Variants in PRMT8 observed in about 807,000 individuals in gnomAD.
PRMT8 encodes the protein protein arginine methyltransferase 8.
PRMT8 carries 7 observed loss-of-function variants against 47.1 expected under a neutral mutation model. That is an observed-to-expected ratio of 0.15 (90% CI 0.08 to 0.28). The LOEUF is 0.28. Among genes scored for constraint, PRMT8 ranks in the 10% least tolerant of loss-of-function variants. The pLI is 1.00. For synonymous variants in PRMT8, 188 were observed against 186.5 expected (o/e 1.01, Z -0.07); for missense variants, 237 against 505.4 (o/e 0.47, Z 5.09).
At chr12:3,549,834 C>G (rs955971790) in intron 2 of PRMT8, 102 bp from the exon 3 acceptor site, 2 of 1,350,354 alleles carry the variant, frequency 1.5e-6, no homozygotes, top group African/African-American at 1.4e-5. Context: ...ATTATCGGGT[C>G]TCCTGAAGGG....
intron 1 of PRMT8, among the ~76,000 whole-genome samples, chr12:3,475,815 G>C (rs368620780): frequency 6.6e-6 from 1 of 152,210 alleles, no homozygotes; most frequent in Non-Finnish European, 1.5e-5. Context: ...AGGCGGCCTG[G>C]TGTCCCAGAA....
chr12:3,469,969 A>C (rs184361828), intron 1 of PRMT8, among the ~76,000 whole-genome samples: 1 of 152,208 alleles, frequency 6.6e-6, no homozygotes, highest in Non-Finnish European at 1.5e-5. Flanking sequence ...GAGGACTGAG[A>C]CGTGGTCCCT....
chr12:3,526,034 C>T (rs1162472287), intron 1 of PRMT8, among the ~76,000 whole-genome samples: 7 of 152,152 alleles, frequency 4.6e-5, no homozygotes, highest in Non-Finnish European at 1.0e-4. Flanking sequence ...ACCCCCATTC[C>T]CTCTTCCAGC....
In PRMT8 at chr12:3,548,898, T is replaced by A. The variant is rs577175512; in HGVS notation, c.262-1038T>A. Among the ~76,000 whole-genome samples the A allele has an allele frequency of 2.6e-4, 39 of 152,250 alleles. 1 individual carries two copies. The South Asian group carries it at 8.1e-3, about 32-fold the overall frequency. ...ATAAATAGCAAAAAACTGGAAAGAA[T>A]CCTAATATCCCACAAACAAGTGAAT... is the stretch of plus-strand genomic sequence containing the variant. On this transcript the variant is annotated intron_variant, in intron 2 of 9. Coordinates refer to ENST00000382622, the MANE Select transcript of PRMT8 (RefSeq NM_019854.5).
intron 1 of PRMT8, among the ~76,000 whole-genome samples, chr12:3,469,580 A>G (rs1370511007): frequency 2.6e-5 from 4 of 152,172 alleles, no homozygotes; most frequent in Non-Finnish European, 5.9e-5. Context: ...AGGGAGAGTA[A>G]GGAGTGACCG....
At chr12:3,399,469 T>G (rs1864296183) in intron 1 of PRMT8, among the ~76,000 whole-genome samples, 1 of 152,180 alleles carries the variant, frequency 6.6e-6, no homozygotes, top group South Asian at 2.1e-4. Flanking sequence ...TAACCAGTAT[T>G]CCTCTGCTGA....
chr12:3,578,441 C>T (rs529214345), intron 7 of PRMT8, among the ~76,000 whole-genome samples: 1 of 151,554 alleles, frequency 6.6e-6, no homozygotes, highest in Admixed American at 6.6e-5. Flanking sequence ...CCAGGCTGGT[C>T]TCAAACTCCT....
At chr12:3,562,621 T>C (rs777655563) in intron 4 of PRMT8, among the ~76,000 whole-genome samples, 21 of 152,240 alleles carry the variant, frequency 1.4e-4, no homozygotes, top group Non-Finnish European at 2.8e-4. Context: ...GCCAATTGCG[T>C]GCGCTCATCT....
chr12:3,437,399 T>C (rs942790278), intron 1 of PRMT8, among the ~76,000 whole-genome samples: 2 of 151,940 alleles, frequency 1.3e-5, no homozygotes, highest in African/African-American at 4.8e-5. Flanking sequence ...CAGGGGTACA[T>C]GTGCAGGTTT....
intron 1 of PRMT8, among the ~76,000 whole-genome samples, chr12:3,391,405 G>A (rs1207589863): frequency 6.6e-6 from 1 of 152,230 alleles, no homozygotes; most frequent in Non-Finnish European, 1.5e-5. Flanking sequence ...TCAGGGGGCA[G>A]CCATACAAAT....
intron 1 of PRMT8, among the ~76,000 whole-genome samples, chr12:3,510,359 T>C (rs1280723809): frequency 6.6e-6 from 1 of 152,160 alleles, no homozygotes; most frequent in Non-Finnish European, 1.5e-5. Context: ...GTAGGATGAC[T>C]GCAGTAAACA....
rs1865398387 is a variant in PRMT8 at position 3,491,574 on chromosome 12, G to A, written c.-52G>A. On this transcript the variant is annotated 5_prime_UTR_variant, in exon 1 of 10. Coordinates refer to ENST00000382622, the MANE Select transcript of PRMT8 (RefSeq NM_019854.5). ...CGCTCTCTCTTTTAAAGCGACACCA[G>A]CTCTCTCTCCTCCTCTACTATCTCG... The A allele has an allele frequency of 3.8e-6, 6 of 1,576,416 alleles. No homozygotes were observed. Among genetic ancestry groups the A allele is most frequent in the South Asian group, 3.4e-5 (3 of 86,984 alleles).
intron 1 of PRMT8, among the ~76,000 whole-genome samples, chr12:3,494,711 C>T (rs1367608704): frequency 6.6e-6 from 1 of 152,208 alleles, no homozygotes; most frequent in Non-Finnish European, 1.5e-5. Flanking sequence ...TACATTTTGA[C>T]CAAAGCCTCC....
rs1866802590 is a variant in PRMT8 at position 3,569,381 on chromosome 12, GGGTGCTTGTCTGGT to G, written c.625-94_625-81del. ...CACTGCATGAGAGATGGTGGCAAGG[GGGTGCTTGTCTGGT>G]GACTCTATGTGCAGTTCAAAATGTG... is the stretch of plus-strand genomic sequence containing the variant. On this transcript the variant is annotated intron_variant, in intron 5 of 9. Coordinates refer to ENST00000382622, the MANE Select transcript of PRMT8 (RefSeq NM_019854.5). This position sits in a 1 kb window ranked among gnomAD's most constrained non-coding sequence, Gnocchi z 8.2. 1 of 995,546 alleles carries G rather than the reference GGGTGCTTGTCTGGT, an allele frequency of 1.0e-6. No homozygotes were observed. Among genetic ancestry groups the G allele is most frequent in the Admixed American group, 1.7e-5 (1 of 57,790 alleles). The allele number at this position is 995,546 out of a possible 1,614,324, so 61.7% of individuals were successfully genotyped here.
At chr12:3,387,330 A>G (rs1055422448) in intron 1 of PRMT8, among the ~76,000 whole-genome samples, 1 of 152,252 alleles carries the variant, frequency 6.6e-6, no homozygotes, top group Non-Finnish European at 1.5e-5. Flanking sequence ...TGTCCCCATT[A>G]TAATTACAGC....
chr12:3,430,821 T>G (rs1864667518), intron 1 of PRMT8, among the ~76,000 whole-genome samples: 1 of 152,212 alleles, frequency 6.6e-6, no homozygotes, highest in African/African-American at 2.4e-5. Context: ...CCAGGCACTA[T>G]GATAGTTGCT....
rs1255779684 is a variant in PRMT8 at position 3,580,601 on chromosome 12, A to G, written c.829-2457A>G. 2.0e-5 allele frequency among the ~76,000 whole-genome samples: 3 copies of G among 152,202 alleles called. No individual in the cohort carries two copies. In the East Asian group the frequency reaches 5.8e-4, roughly 29 times the overall value. ...AGGTGCTGCTGTGCACTGAGGATAC[A>G]CAGGACAATGAGGTGTAACTTCTGC... On this transcript the variant is annotated intron_variant, in intron 7 of 9. Transcript: ENST00000382622. The surrounding 1 kb of genome is among the most constrained non-coding windows in gnomAD (Gnocchi z 4.6).
At chr12:3,584,086 G>T (rs1867122877) in intron 8 of PRMT8, among the ~76,000 whole-genome samples, 1 of 152,212 alleles carries the variant, frequency 6.6e-6, no homozygotes, top group Non-Finnish European at 1.5e-5. Context: ...AGGCTTGGGG[G>T]CTTAACCACA....
In PRMT8 at chr12:3,409,185, G is replaced by T. The variant is rs1208612157; in HGVS notation, c.48+27743G>T. On this transcript the variant is annotated intron_variant, in intron 1 of 9. Transcript: ENST00000452611. This position sits in a 1 kb window ranked among gnomAD's most constrained non-coding sequence, Gnocchi z 4.4. The stretch of plus-strand genomic sequence containing the variant: ...GATGGCCCACAAAGCTGGTGTCGGT[G>T]ACTCTGAGGCACACTGCAGCAGCTC... Among the ~76,000 whole-genome samples the T allele has an allele frequency of 1.3e-5, 2 of 152,164 alleles. No individual in the cohort carries two copies. Among genetic ancestry groups the T allele is most frequent in the Non-Finnish European group, 2.9e-5 (2 of 68,032 alleles).
Sources: gnomAD v4.1 joint callset for allele counts (sites outside exome capture counted in the v4.1 genomes callset) on GRCh38, gnomAD v4.1.1 for gene constraint, Gnocchi (gnomAD v3.1) non-coding constraint, MANE v1.5 for transcripts, NCBI Gene and HGNC (gene_info 2026-07-23, HGNC 2026-07-21) for gene names.